The following STRIP1 variants were observed in gnomAD, a reference collection of about 807,000 sequenced individuals.
STRIP1 encodes the protein striatin-interacting protein 1.
A neutral mutation model predicts 106.2 loss-of-function variants in STRIP1; 63 were observed. The observed-to-expected ratio is 0.59, with a 90% CI of 0.48 to 0.73. The LOEUF (loss-of-function observed/expected upper bound fraction) is 0.73. STRIP1 is among the 30% of genes least tolerant of loss of function. The pLI, the probability that STRIP1 is intolerant of heterozygous loss-of-function variation, is 0.00. For synonymous variants in STRIP1, 390 were observed against 413.0 expected, an observed-to-expected ratio of 0.94 and a Z score of 0.67; for missense variants, 857 against 1,074.8, an observed-to-expected ratio of 0.80 and a Z score of 2.83.
chr1:110,033,671 T>C (rs1350711598), upstream of STRIP1, among the ~76,000 whole-genome samples: 1 of 152,200 alleles, frequency 6.6e-6, no homozygotes, highest in Non-Finnish European at 1.5e-5. Context: ...CGATTTTATC[T>C]AATCCTAATC....
At chr1:110,034,102 TA>T (rs1406225723), upstream of STRIP1, among the ~76,000 whole-genome samples, 1 of 152,248 alleles carries the variant, frequency 6.6e-6, no homozygotes. Flanking sequence ...TTTCAGCATT[TA>T]TTTCTCTATA....
In STRIP1 at chr1:110,042,959, C is replaced by G. The variant is rs1368758696; in HGVS notation, c.886-129C>G. On this transcript the variant is annotated intron_variant, in intron 8 of 20. Transcript: ENST00000369795. ...TTGGGAGTGGCTTCAGTCCATTGTT[C>G]AGGAGTTGCCTGGGTCTCTATAAAG... 19 of 839,856 alleles carry G rather than the reference C, an allele frequency of 2.3e-5. 1 individual carries two copies. The South Asian group carries it at 3.5e-4, about 15-fold the overall frequency. 52.0% of individuals were successfully genotyped at this position (839,856 alleles called of 1,614,324 possible). A position where few individuals can be genotyped will look rare whatever the true frequency, so the allele number is the denominator to read the frequency against.
chr1:110,049,600 A>G (rs746598855), intron 17 of STRIP1, 40 bp downstream of exon 17: 13 of 1,408,906 alleles, frequency 9.2e-6, no homozygotes, highest in Non-Finnish European at 1.3e-5. Flanking sequence ...GGATATGGTC[A>G]GACGGCAGAG....
In STRIP1 at chr1:110,050,938, C is replaced by A. The variant is rs201333544; in HGVS notation, c.1957-18C>A. On this transcript the variant is annotated intron_variant, in intron 18 of 20. Coordinates refer to ENST00000369795, the MANE Select transcript of STRIP1 (RefSeq NM_033088.4). ...ACTGCAGCCATGAGGGCTGATTGTT[C>A]CTGGGTTTACCCTGCAGGAAGCAGG... is the stretch of plus-strand genomic sequence containing the variant. 10 of 1,466,716 alleles carry A rather than the reference C, an allele frequency of 6.8e-6. No homozygotes were observed. In the East Asian group the frequency reaches 2.3e-4, roughly 33 times the overall value. 90.9% of individuals were successfully genotyped at this position (1,466,716 alleles called of 1,614,324 possible).
chr1:110,034,864 G>A (rs1347683056), intron 1 of STRIP1, 47 bp downstream of exon 1: 17 of 1,374,152 alleles, frequency 1.2e-5, no homozygotes, highest in East Asian at 3.1e-5. Flanking sequence ...GGGCGGCGCC[G>A]GGGGTCCCGG....
In STRIP1 at chr1:110,039,960, A is replaced by T. The variant is rs529194468; in HGVS notation, c.581+445A>T. The T allele has an allele frequency of 1.2e-5, 14 of 1,191,608 alleles. No homozygotes were observed. In the African/African-American group the frequency reaches 1.7e-4, roughly 15 times the overall value. 73.8% of individuals were successfully genotyped at this position (1,191,608 alleles called of 1,614,324 possible). The stretch of plus-strand genomic sequence containing the variant: ...CAGGTCAGCTGCTGCTCATCTAAGG[A>T]TAACACCATCAATGATAAAGCTAAG... On this transcript the variant is annotated intron_variant, in intron 5 of 20. Transcript: ENST00000369795.
rs752644683 is a variant in STRIP1, at chr1:110,050,371, G to C, written c.1918G>C (p.Val640Leu). 6 of 1,614,066 alleles carry C rather than the reference G, an allele frequency of 3.7e-6. No individual in the cohort carries two copies. The African/African-American group carries it at 6.7e-5, about 18-fold the overall frequency. The change falls in exon 18 of 21, where the codon GTG (valine) becomes CTG (leucine). Residue 640 changes from valine to leucine, a missense_variant. By Grantham distance (32) the Val-to-Leu change is conservative. Coordinates refer to ENST00000369795, the MANE Select transcript of STRIP1 (RefSeq NM_033088.4). ...TTCTGTCCTGGATTACCCTCACTGCGTGGTGCATGAGCTGCCAGAGCTGAC... is the reference window on the plus strand; with the variant it reads ...TTCTGTCCTGGATTACCCTCACTGCCTGGTGCATGAGCTGCCAGAGCTGAC... ...SISVLDYPHC[V>L]VHELPELTAE...
intron 13 of STRIP1, 85 bp from the exon 14 acceptor site, chr1:110,047,457 G>T: frequency 9.5e-7 from 1 of 1,052,730 alleles, no homozygotes. Context: ...ACTGTTTACA[G>T]GTTTTCCTCC....
intron 3 of STRIP1, 97 bp downstream of exon 3, chr1:110,038,854 C>G: frequency 8.7e-7 from 1 of 1,153,360 alleles, no homozygotes; most frequent in Non-Finnish European, 1.3e-6. Context: ...CATCCTGGAA[C>G]AGCCTGAGAA....
Position 110,046,815 on chromosome 1 carries a change from G to T in STRIP1, c.1488+64G>T, listed in dbSNP as rs540852476. ...GCCTGTAATCCCAGCACTTTGGGAGGCCGAGGAGGGCAGATCATGAGGTCA... is the reference window on the plus strand; with the variant it reads ...GCCTGTAATCCCAGCACTTTGGGAGTCCGAGGAGGGCAGATCATGAGGTCA... On this transcript the variant is annotated intron_variant, in intron 13 of 20. Coordinates refer to ENST00000369795, the MANE Select transcript of STRIP1 (RefSeq NM_033088.4). 4 of 1,207,720 alleles carry T rather than the reference G, an allele frequency of 3.3e-6. No homozygotes were observed. The South Asian group carries it at 4.8e-5, about 15-fold the overall frequency. The allele number at this position is 1,207,720 out of a possible 1,614,324, so 74.8% of individuals were successfully genotyped here.
intron 15 of STRIP1, 23 bp from the exon 16 acceptor site, chr1:110,049,089 T>C (rs745755766): frequency 5.0e-6 from 8 of 1,613,980 alleles, no homozygotes; most frequent in Non-Finnish European, 6.8e-6. Context: ...GCTGGTGGCT[T>C]ACCCAGGCAA....
At chr1:110,041,500 C>G (rs767979597) in intron 6 of STRIP1, 36 bp from the exon 7 acceptor site, 2 of 1,532,814 alleles carry the variant, frequency 1.3e-6, no homozygotes, top group Non-Finnish European at 1.8e-6. Flanking sequence ...TTGACCCCCC[C>G]ATCCCACTCC....
upstream of STRIP1, among the ~76,000 whole-genome samples, chr1:110,033,508 C>T (rs1324985045): frequency 6.6e-6 from 1 of 152,128 alleles, no homozygotes; most frequent in Non-Finnish European, 1.5e-5. Flanking sequence ...GTCTGGGGAG[C>T]CCAAAGTCGA....
At chr1:110,034,475 G>T (rs985197632), upstream of STRIP1, 3 of 715,142 alleles carry the variant, frequency 4.2e-6, no homozygotes, top group Non-Finnish European at 4.2e-6. Context: ...ACAAGGGAAG[G>T]ACTGCAGACA....
intron 10 of STRIP1, 108 bp from the exon 11 acceptor site, chr1:110,044,732 C>T: frequency 9.6e-7 from 1 of 1,047,096 alleles, no homozygotes; most frequent in Non-Finnish European, 1.4e-6. Context: ...TAGGAGACTT[C>T]TCCTGGCTTC....
In STRIP1 at chr1:110,054,045, C is replaced by T; in HGVS notation, c.*133C>T. On this transcript the variant is annotated 3_prime_UTR_variant, in exon 21 of 21. Transcript: ENST00000369795. The stretch of plus-strand genomic sequence containing the variant: ...ACAGCCCCACTGTGTCTTCCGCAGT[C>T]TGTCCTGGGCTTGGGTGAGCCCAGC... 8.6e-7 allele frequency: 1 copy of T among 1,164,390 alleles called. No individual in the cohort carries two copies. Among genetic ancestry groups the T allele is most frequent in the South Asian group, 1.5e-5 (1 of 67,648 alleles). 72.1% of individuals were successfully genotyped at this position (1,164,390 alleles called of 1,614,324 possible). A position where few individuals can be genotyped will look rare whatever the true frequency, so the allele number is the denominator to read the frequency against.
chr1:110,034,823 G>A lies in STRIP1; in HGVS notation c.180+6G>A. On this transcript the variant is annotated splice_donor_region_variant and intron_variant, in intron 1 of 20. Transcript: ENST00000369795. ...ACCAGCGCAAAGACTCAGAGGTCAG[G>A]AGCTTCGGGGGGCGAGGCTCGCACC... The A allele has an allele frequency of 7.2e-7, 1 of 1,381,662 alleles. No individual in the cohort carries two copies. Among genetic ancestry groups the A allele is most frequent in the Non-Finnish European group, 9.4e-7 (1 of 1,067,962 alleles). The allele number at this position is 1,381,662 out of a possible 1,614,324, so 85.6% of individuals were successfully genotyped here.
chr1:110,054,183 C>G lies in STRIP1; in HGVS notation c.*271C>G. 1 of 451,868 alleles carries G rather than the reference C, an allele frequency of 2.2e-6. No individual in the cohort carries two copies. Among genetic ancestry groups the G allele is most frequent in the Non-Finnish European group, 4.1e-6 (1 of 246,078 alleles). The allele number at this position is 451,868 out of a possible 1,614,324, so 28.0% of individuals were successfully genotyped here. A position where few individuals can be genotyped will look rare whatever the true frequency, so the allele number is the denominator to read the frequency against. ...CTCTTGGATATGGTTGGTTTTGGCT[C>G]ATTTCACAATCAGCCCAAGGCTGGG... is the stretch of plus-strand genomic sequence containing the variant. On this transcript the variant is annotated 3_prime_UTR_variant, in exon 21 of 21. Transcript: ENST00000369795.
intron 1 of STRIP1, 36 bp from the exon 2 acceptor site, chr1:110,037,855 A>G (rs748455940): frequency 1.4e-6 from 2 of 1,444,302 alleles, no homozygotes; most frequent in Non-Finnish European, 1.9e-6. Flanking sequence ...AAATAGAATG[A>G]TCCTTTTTCC....
Sources: gnomAD v4.1 joint callset for allele counts (sites outside exome capture counted in the v4.1 genomes callset) on GRCh38, gnomAD v4.1.1 for gene constraint, MANE v1.5 for transcripts, NCBI Gene and HGNC (gene_info 2026-07-23, HGNC 2026-07-21) for gene names.